The following POTEJ variants were observed in gnomAD, a reference collection of about 807,000 sequenced individuals.
POTEJ encodes the protein POTE ankyrin domain family member J.
A neutral mutation model predicts 69.0 loss-of-function variants in POTEJ; 11 were observed. The ratio of observed to expected loss-of-function variants is 0.16; its 90% CI spans 0.10 to 0.26. The LOEUF (loss-of-function observed/expected upper bound fraction) is 0.26, where lower values mean the gene tolerates loss of function less well. Among genes scored for constraint, POTEJ ranks in the 10% least tolerant of loss-of-function variants. POTEJ has a pLI of 1.00. For synonymous variants in POTEJ, 117 were observed against 381.1 expected (o/e 0.31, Z 8.07); for missense variants, 327 against 1,045.5 (o/e 0.31, Z 9.48).
chr2:130,627,225 A>G (rs1213670542), intron 6 of POTEJ, among the ~76,000 whole-genome samples: 2 of 151,376 alleles, frequency 1.3e-5, no homozygotes, highest in East Asian at 1.9e-4. Flanking sequence ...TGAGTAGGTA[A>G]TTGGATAACC....
chr2:130,637,438 G>A (rs1379994860), intron 9 of POTEJ, among the ~76,000 whole-genome samples: 2 of 149,668 alleles, frequency 1.3e-5, no homozygotes, highest in Non-Finnish European at 1.5e-5. Flanking sequence ...CTCCCAAGGA[G>A]CTGGCCCTCG....
chr2:130,643,666 G>C (rs1229660507), intron 10 of POTEJ, among the ~76,000 whole-genome samples: 3 of 136,322 alleles, frequency 2.2e-5, no homozygotes, highest in Non-Finnish European at 4.9e-5. Flanking sequence ...GTGGAGAACA[G>C]TACACTGTGT....
intron 11 of POTEJ, among the ~76,000 whole-genome samples, chr2:130,644,473 A>AT (rs1686512389): frequency 6.6e-6 from 1 of 152,218 alleles, no homozygotes; most frequent in African/African-American, 2.4e-5. Context: ...CATCTGAAAA[A>AT]AATATATATA....
Position 130,613,257 on chromosome 2 carries a change from C to CATATGT in POTEJ, c.410+1319_410+1320insGTATAT, listed in dbSNP as rs1685283744. 1.0e-4 allele frequency among the ~76,000 whole-genome samples: 10 copies of CATATGT among 99,090 alleles called. No individual in the cohort carries two copies. The East Asian group carries it at 2.9e-3, about 29-fold the overall frequency. 65.0% of individuals were successfully genotyped at this position (99,090 alleles called of 152,430 possible). A position where few individuals can be genotyped will look rare whatever the true frequency, so the allele number is the denominator to read the frequency against. ...ATACATATATATACATATATATACA[C>CATATGT]ATATATACATATATATACATATGTA... On this transcript the variant is annotated intron_variant, in intron 1 of 14. Coordinates refer to ENST00000409602, the MANE Select transcript of POTEJ (RefSeq NM_001277083.2).
intron 11 of POTEJ, among the ~76,000 whole-genome samples, 154 bp from the exon 12 acceptor site, chr2:130,645,583 T>C (rs1686550114): frequency 6.9e-6 from 1 of 145,694 alleles, no homozygotes; most frequent in African/African-American, 2.5e-5. Flanking sequence ...TTATTATTTA[T>C]TTATTTTAAC....
intron 9 of POTEJ, among the ~76,000 whole-genome samples, chr2:130,637,424 C>T (rs1478418354): frequency 2.0e-5 from 3 of 150,010 alleles, no homozygotes; most frequent in African/African-American, 7.3e-5. Flanking sequence ...TCTCCTGCCT[C>T]AGCCTCCCAA....
intron 13 of POTEJ, among the ~76,000 whole-genome samples, chr2:130,649,341 C>T (rs1387798888): frequency 1.3e-5 from 2 of 152,228 alleles, no homozygotes; most frequent in Non-Finnish European, 2.9e-5. Context: ...TGCCAAAAAC[C>T]TCAGTGTCAT....
At chr2:130,639,161 C>A (rs1400824539) in intron 10 of POTEJ, among the ~76,000 whole-genome samples, 1 of 152,308 alleles carries the variant, frequency 6.6e-6, no homozygotes, top group Non-Finnish European at 1.5e-5. Flanking sequence ...CCCTGGCTTG[C>A]CTGCTGCGCA....
intron 1 of POTEJ, among the ~76,000 whole-genome samples, chr2:130,612,785 G>C (rs1421458155): frequency 7.1e-6 from 1 of 141,016 alleles, no homozygotes; most frequent in Non-Finnish European, 1.6e-5. Flanking sequence ...AAAAAAAAAA[G>C]ATGTGAGCTT....
At chr2:130,612,807 C>T (rs1300291806) in intron 1 of POTEJ, among the ~76,000 whole-genome samples, 2 of 144,000 alleles carry the variant, frequency 1.4e-5, no homozygotes, top group Non-Finnish European at 1.5e-5. Context: ...TTCTATTTAT[C>T]ACTTTTACAT....
chr2:130,618,171 G>A (rs1207818142), intron 3 of POTEJ, among the ~76,000 whole-genome samples: 2 of 151,904 alleles, frequency 1.3e-5, no homozygotes, highest in African/African-American at 2.4e-5. Context: ...ACTAGACCCT[G>A]TTCTTCTCTT....
chr2:130,644,317 A>G (rs1408688090), intron 11 of POTEJ, among the ~76,000 whole-genome samples: 1 of 147,448 alleles, frequency 6.8e-6, no homozygotes, highest in African/African-American at 2.5e-5. Flanking sequence ...AAAAATACAA[A>G]AACTTAGCTG....
chr2:130,615,693 A>G (rs1338424992), intron 1 of POTEJ, among the ~76,000 whole-genome samples: 2 of 148,462 alleles, frequency 1.3e-5, no homozygotes, highest in Non-Finnish European at 3.0e-5. Flanking sequence ...AATCTGTACA[A>G]CCAACCCCCT....
intron 9 of POTEJ, among the ~76,000 whole-genome samples, chr2:130,637,043 C>A (rs1329362100): frequency 6.8e-6 from 1 of 146,488 alleles, no homozygotes; most frequent in African/African-American, 2.5e-5. Flanking sequence ...CGTTGCACTG[C>A]ACTCCAGCCT....
chr2:130,656,091 G>C lies in POTEJ; in HGVS notation c.1789-458G>C, dbSNP rs1225019971. ...TAAAGAACTTTGAGAAATTCCTTCTGTCCAAATATATGCATAGCTAAGGCT... is the reference window on the plus strand; with the variant it reads ...TAAAGAACTTTGAGAAATTCCTTCTCTCCAAATATATGCATAGCTAAGGCT... On this transcript the variant is annotated intron_variant, in intron 14 of 14. Coordinates refer to ENST00000409602, the MANE Select transcript of POTEJ (RefSeq NM_001277083.2). 3.0e-4 allele frequency among the ~76,000 whole-genome samples: 43 copies of C among 145,632 alleles called. 4 individuals carry two copies. Among genetic ancestry groups the C allele is most frequent in the Non-Finnish European group, 5.2e-4 (34 of 65,486 alleles).
intron 6 of POTEJ, among the ~76,000 whole-genome samples, chr2:130,629,277 A>G (rs530267981): frequency 2.7e-5 from 4 of 149,368 alleles, no homozygotes; most frequent in African/African-American, 1.0e-4. Flanking sequence ...GGCTTGGCTT[A>G]TGTAGGCAAG....
intron 9 of POTEJ, among the ~76,000 whole-genome samples, chr2:130,634,816 C>G (rs1440120851): frequency 1.3e-5 from 2 of 148,490 alleles, no homozygotes; most frequent in Non-Finnish European, 3.0e-5. Context: ...TGTCCACACT[C>G]ACGAACTCAA....
intron 9 of POTEJ, among the ~76,000 whole-genome samples, chr2:130,637,547 G>T (rs1423192209): frequency 6.6e-6 from 1 of 151,980 alleles, no homozygotes; most frequent in Non-Finnish European, 1.5e-5. Flanking sequence ...GAAATGGTGT[G>T]AATCAAAGCA....
chr2:130,643,539 A>T (rs1288022974), intron 10 of POTEJ, among the ~76,000 whole-genome samples: 9 of 144,546 alleles, frequency 6.2e-5, no homozygotes, highest in African/African-American at 2.3e-4. Flanking sequence ...AAAGAAAAAA[A>T]GAAAATAAAT....
Sources: allele counts gnomAD v4.1 joint callset (sites outside exome capture counted in the v4.1 genomes callset), GRCh38; gene constraint gnomAD v4.1.1; transcripts MANE v1.5; gene names NCBI Gene and HGNC (gene_info 2026-07-23, HGNC 2026-07-21).